Variants in AGBL4 observed in about 807,000 individuals in gnomAD.
The protein encoded by AGBL4 is cytosolic carboxypeptidase 6.
AGBL4 carries 58 observed loss-of-function variants against 66.4 expected under a neutral mutation model. The ratio of observed to expected loss-of-function variants is 0.87; its 90% confidence interval spans 0.71 to 1.09. The LOEUF is 1.09. Ranked by LOEUF, AGBL4 falls within the 50% of genes least tolerant of loss-of-function variation. AGBL4 has a pLI of 0.00. For missense variants in AGBL4, 579 were observed against 631.0 expected (o/e 0.92, Z 0.88); for synonymous variants, 234 against 222.9 (o/e 1.05, Z -0.44).
chr1:49,990,975 T>TAA (rs1467134152), intron 1 of AGBL4, among the ~76,000 whole-genome samples: 1 of 152,132 alleles, frequency 6.6e-6, no homozygotes, highest in Non-Finnish European at 1.5e-5. Flanking sequence ...TAATCGTCAT[T>TAA]AAAAAAACTC....
chr1:49,878,935 G>T (rs1267803637), intron 1 of AGBL4, among the ~76,000 whole-genome samples: 1 of 102,028 alleles, frequency 9.8e-6, no homozygotes, highest in Non-Finnish European at 2.0e-5. Flanking sequence ...TGTCTCTTTT[G>T]ATCTTTGTTG....
At chr1:48,932,734 A>C (rs1362636426) in intron 5 of AGBL4, among the ~76,000 whole-genome samples, 1 of 152,218 alleles carries the variant, frequency 6.6e-6, no homozygotes, top group Non-Finnish European at 1.5e-5. Flanking sequence ...AGGAAATCAC[A>C]CTTAAAGGTT....
At chr1:48,734,192 C>T (rs950755971) in intron 6 of AGBL4, among the ~76,000 whole-genome samples, 8 of 152,152 alleles carry the variant, frequency 5.3e-5, no homozygotes, top group South Asian at 2.1e-4. Flanking sequence ...TCAATTAATC[C>T]GGAGTCAGCC....
Position 49,509,620 on chromosome 1 carries a change from T to C in AGBL4, c.282+187693A>G, listed in dbSNP as rs1386175521. Among the ~76,000 whole-genome samples, 5 of 151,878 alleles carry C rather than the reference T, an allele frequency of 3.3e-5. No homozygotes were observed. In the East Asian group the frequency reaches 5.8e-4, roughly 18 times the overall value. ...GAATTAAAAACCAAATAGGGAGTCA[T>C]TGGAGGTTTCTAAGCAGGAATATGA... is the stretch of plus-strand genomic sequence containing the variant. On this transcript the variant is annotated intron_variant, in intron 3 of 13. Transcript: ENST00000371839.
chr1:49,560,724 A>C (rs1278803472), intron 3 of AGBL4, among the ~76,000 whole-genome samples: 3 of 152,142 alleles, frequency 2.0e-5, no homozygotes, highest in Non-Finnish European at 4.4e-5. Context: ...ACAAGAAACA[A>C]ATAACATAAA....
intron 3 of AGBL4, among the ~76,000 whole-genome samples, chr1:49,590,978 G>T (rs1009205614): frequency 6.6e-6 from 1 of 151,942 alleles, no homozygotes; most frequent in Non-Finnish European, 1.5e-5. Flanking sequence ...TAAAAACAAG[G>T]ATTACAAAAA....
At chr1:49,320,783 T>A (rs1156901161) in intron 3 of AGBL4, among the ~76,000 whole-genome samples, 2 of 152,158 alleles carry the variant, frequency 1.3e-5, no homozygotes, top group African/African-American at 2.4e-5. Flanking sequence ...TACCTGAGAC[T>A]GAGTAATTTA....
At chr1:48,607,574 C>T (rs1222603547) in intron 9 of AGBL4, among the ~76,000 whole-genome samples, 4 of 152,082 alleles carry the variant, frequency 2.6e-5, no homozygotes, top group Non-Finnish European at 5.9e-5. Context: ...GCTGAGATTG[C>T]GCCATTGCAC....
intron 1 of AGBL4, among the ~76,000 whole-genome samples, chr1:49,923,801 A>G (rs1343760357): frequency 2.0e-5 from 3 of 152,214 alleles, no homozygotes; most frequent in Admixed American, 6.5e-5. Flanking sequence ...TATTATTAAA[A>G]AGTCATAAAA....
At chr1:49,084,257 C>T (rs1276382121) in intron 4 of AGBL4, among the ~76,000 whole-genome samples, 6 of 152,192 alleles carry the variant, frequency 3.9e-5, no homozygotes, top group African/African-American at 1.4e-4. Context: ...AAGTCACTTC[C>T]ACATTTTCAG....
chr1:49,639,340 G>A (rs1464429505), intron 3 of AGBL4, among the ~76,000 whole-genome samples: 4 of 152,204 alleles, frequency 2.6e-5, no homozygotes, highest in Non-Finnish European at 2.9e-5. Flanking sequence ...CACTTATTAT[G>A]TGTGTGGCAC....
At chr1:49,557,210 G>C (rs758804533) in intron 3 of AGBL4, among the ~76,000 whole-genome samples, 4 of 152,108 alleles carry the variant, frequency 2.6e-5, no homozygotes, top group Admixed American at 6.5e-5. Flanking sequence ...CGGACGCTGA[G>C]GCCTGAGGAG....
intron 5 of AGBL4, among the ~76,000 whole-genome samples, chr1:49,019,277 T>C (rs768893047): frequency 2.0e-5 from 3 of 152,120 alleles, no homozygotes; most frequent in Non-Finnish European, 4.4e-5. Flanking sequence ...GGTTTCAGGA[T>C]AGCATGTACC....
At chr1:49,931,673 T>A (rs552738550) in intron 1 of AGBL4, among the ~76,000 whole-genome samples, 1 of 152,126 alleles carries the variant, frequency 6.6e-6, no homozygotes, top group Non-Finnish European at 1.5e-5. Flanking sequence ...CTAAACAGTA[T>A]CAGATGGCAA....
chr1:49,823,957 T>A (rs536984381), intron 2 of AGBL4, among the ~76,000 whole-genome samples: 148 of 152,180 alleles, frequency 9.7e-4, no homozygotes, highest in Non-Finnish European at 1.8e-3. Context: ...AAGCCTGTAA[T>A]CCCAGCACTT....
intron 3 of AGBL4, among the ~76,000 whole-genome samples, chr1:49,463,249 G>T (rs1260944890): frequency 6.6e-6 from 1 of 151,660 alleles, no homozygotes; most frequent in Admixed American, 6.6e-5. Context: ...TCTAGCCCAT[G>T]CCTGACACTC....
chr1:48,579,930 A>AAAAAAAAG (rs1557802195), intron 11 of AGBL4, among the ~76,000 whole-genome samples: 4 of 150,418 alleles, frequency 2.7e-5, no homozygotes, highest in African/African-American at 7.4e-5. Flanking sequence ...AAAAAAAAAA[A>AAAAAAAAG]AAAAAAAGAA....
rs58650623 is a variant in AGBL4 at position 48,837,711 on chromosome 1, C to CTATATATATATATATATATATA, written c.634+29458_634+29479dup. ...ACGCACACACACGCACACACACACA[C>CTATATATATATATATATATATA]TATATATATATATATATATATATAT... On this transcript the variant is annotated intron_variant, in intron 6 of 13. Transcript: ENST00000371839. 1.7e-3 allele frequency among the ~76,000 whole-genome samples: 137 copies of CTATATATATATATATATATATA among 82,244 alleles called. 1 individual carries two copies. The highest frequency in any genetic ancestry group is 3.3e-3 in the African/African-American group (75 of 22,416). The allele number at this position is 82,244 out of a possible 152,430, so 54.0% of individuals were successfully genotyped here. A position where few individuals can be genotyped will look rare whatever the true frequency, so the allele number is the denominator to read the frequency against.
intron 6 of AGBL4, among the ~76,000 whole-genome samples, chr1:48,694,572 T>C (rs553859086): frequency 1.9e-4 from 29 of 152,234 alleles, no homozygotes; most frequent in Non-Finnish European, 3.5e-4. Flanking sequence ...TCTAGTTTCC[T>C]GCAATGGTCC....
Sources: gnomAD v4.1 joint callset for allele counts (sites outside exome capture counted in the v4.1 genomes callset) on GRCh38, gnomAD v4.1.1 for gene constraint, MANE v1.5 for transcripts, NCBI Gene and HGNC (gene_info 2026-07-23, HGNC 2026-07-21) for gene names.